Variants in RTL6 observed in about 807,000 individuals in gnomAD.
RTL6 encodes retrotransposon Gag like 6.
RTL6 carries 9 observed loss-of-function variants against 12.4 expected under a neutral mutation model. The ratio of observed to expected loss-of-function variants is 0.73; its 90% CI spans 0.44 to 1.27. The LOEUF (loss-of-function observed/expected upper bound fraction) is 1.27. Among genes scored for constraint, RTL6 ranks in the 50% most tolerant of loss-of-function variants. RTL6 has a pLI of 0.00. For missense variants in RTL6, 291 were observed against 330.7 expected (o/e 0.88, Z 0.93); for synonymous variants, 160 against 142.8 (o/e 1.12, Z -0.86).
At position 44,496,692 on chromosome 22, in the gene RTL6, A is replaced by T; in HGVS notation, c.*145T>A. ...CCAGGGCGCCAGGAAGGACGGAAGGAAGATCTCCTCGGGGAACACGTCTGG... is the reference window on the plus strand; with the variant it reads ...CCAGGGCGCCAGGAAGGACGGAAGGTAGATCTCCTCGGGGAACACGTCTGG... On this transcript the variant is annotated 3_prime_UTR_variant, in exon 2 of 2. Transcript: ENST00000341255. The T allele has an allele frequency of 9.6e-7, 1 of 1,043,424 alleles. No individual in the cohort carries two copies. The highest frequency in any genetic ancestry group is 1.4e-6 in the Non-Finnish European group (1 of 723,230). 64.6% of individuals were successfully genotyped at this position (1,043,424 alleles called of 1,614,324 possible).
Position 44,496,792 on chromosome 22 carries a change from A to AT in RTL6, c.*44dup. 6.6e-7 allele frequency: 1 copy of AT among 1,521,702 alleles called. No homozygotes were observed. The highest frequency in any genetic ancestry group is 8.8e-7 in the Non-Finnish European group (1 of 1,136,992). 94.3% of individuals were successfully genotyped at this position (1,521,702 alleles called of 1,614,324 possible). A position where few individuals can be genotyped will look rare whatever the true frequency, so the allele number is the denominator to read the frequency against. ...ATTTCTTCTACACAGCAAAGAGCGT[A>AT]TGCTACCTGGGTGGCTGCAGACGCT... On this transcript the variant is annotated 3_prime_UTR_variant, in exon 2 of 2. Coordinates refer to ENST00000341255, the MANE Select transcript of RTL6 (RefSeq NM_032287.3).
rs1480517723 is a variant in RTL6, at chr22:44,493,742, G to T, written c.*3095C>A. ...CAGTGGCTGCAGCATGGGCCCTTTTGTCCAATCCCAGGGCTTGTTCCCTAA... is the reference window on the plus strand; with the variant it reads ...CAGTGGCTGCAGCATGGGCCCTTTTTTCCAATCCCAGGGCTTGTTCCCTAA... On this transcript the variant is annotated 3_prime_UTR_variant, in exon 2 of 2. Coordinates refer to ENST00000341255, the MANE Select transcript of RTL6 (RefSeq NM_032287.3). The T allele has an allele frequency of 6.6e-6, 1 of 152,274 alleles. No homozygotes were observed. 9.4% of individuals were successfully genotyped at this position (152,274 alleles called of 1,614,324 possible). A position where few individuals can be genotyped will look rare whatever the true frequency, so the allele number is the denominator to read the frequency against.
chr22:44,496,060 C>T lies in RTL6; in HGVS notation c.*777G>A, dbSNP rs131159. ...CTGCCCAATGGCTGAGAGTCCACCA[C>T]GACCTTATTTAGCAGGCAAGTTCCA... On this transcript the variant is annotated 3_prime_UTR_variant, in exon 2 of 2. Transcript: ENST00000341255. 45,874 of 152,274 alleles carry T rather than the reference C, an allele frequency of 0.3. 7,913 individuals are homozygous for T. The highest frequency in any genetic ancestry group is 0.4 in the South Asian group (1,934 of 4,820). The allele number at this position is 152,274 out of a possible 1,614,324, so 9.4% of individuals were successfully genotyped here. A position where few individuals can be genotyped will look rare whatever the true frequency, so the allele number is the denominator to read the frequency against.
rs1436000482 is a variant in RTL6 at position 44,495,989 on chromosome 22, T to G, written c.*848A>C. The G allele has an allele frequency of 6.6e-6, 1 of 152,274 alleles. No individual in the cohort carries two copies. The highest frequency in any genetic ancestry group is 1.5e-5 in the Non-Finnish European group (1 of 68,082). 9.4% of individuals were successfully genotyped at this position (152,274 alleles called of 1,614,324 possible). ...TCGCTGGTATCCACCCTTAGCCTGC[T>G]ATGACCCTCAGGCGTGGGTGTGTAG... On this transcript the variant is annotated 3_prime_UTR_variant, in exon 2 of 2. Transcript: ENST00000341255.
Position 44,496,888 on chromosome 22 carries a change from G to A in RTL6, c.669C>T (p.Ser223=). ...GGGCTGGCGCTGGACTAGTCCCGTT[G>A]GAAGCTGGATGCACTGGGCAAGGCC... The part of the protein sequence containing the change: ...GTGPCPVHPA[S]NGTSPAPALP... The change falls in exon 2 of 2, where the codon TCC becomes TCT. Residue 223 remains serine (S), a synonymous_variant. Coordinates refer to ENST00000341255, the MANE Select transcript of RTL6 (RefSeq NM_032287.3). 1 of 1,600,878 alleles carries A rather than the reference G, an allele frequency of 6.2e-7. No homozygotes were observed. Among genetic ancestry groups the A allele is most frequent in the Non-Finnish European group, 8.5e-7 (1 of 1,172,048 alleles).
chr22:44,495,663 C>CCT lies in RTL6; in HGVS notation c.*1173_*1174insAG, dbSNP rs1555952616. On this transcript the variant is annotated 3_prime_UTR_variant, in exon 2 of 2. Coordinates refer to ENST00000341255, the MANE Select transcript of RTL6 (RefSeq NM_032287.3). ...TGGCTGGGTTGCCAGAGGCAGACAC[C>CCT]CCCCCCGGCCTTAAGTGCTTAAGGA... 1 of 151,230 alleles carries CCT rather than the reference C, an allele frequency of 6.6e-6. No individual in the cohort carries two copies. Among genetic ancestry groups the CCT allele is most frequent in the African/African-American group, 2.4e-5 (1 of 41,032 alleles). 9.4% of individuals were successfully genotyped at this position (151,230 alleles called of 1,614,324 possible).
rs1924421333 is a variant in RTL6 at position 44,495,577 on chromosome 22, TCA to T, written c.*1258_*1259del. On this transcript the variant is annotated 3_prime_UTR_variant, in exon 2 of 2. Transcript: ENST00000341255. ...GGACATGCATGCCAGTGCTGCATTG[TCA>T]CCACACTAGGACCACGGCAGTCCAC... 1 of 152,518 alleles carries T rather than the reference TCA, an allele frequency of 6.6e-6. No individual in the cohort carries two copies. Among genetic ancestry groups the T allele is most frequent in the Non-Finnish European group, 1.5e-5 (1 of 68,058 alleles). The allele number at this position is 152,518 out of a possible 1,614,324, so 9.4% of individuals were successfully genotyped here. A position where few individuals can be genotyped will look rare whatever the true frequency, so the allele number is the denominator to read the frequency against.
Position 44,497,118 on chromosome 22 carries a change from C to A in RTL6, c.439G>T (p.Glu147Ter). Reference protein sequence around the residue: ...VAFLVSRLTGEAEKWAIPHMQ... With the variant: ...VAFLVSRLTG ...TGGGGGATAGCCCACTTCTCCGCCTCCCCAGTCAGTCGAGACACAAGGAAG... is the reference window on the plus strand; with the variant it reads ...TGGGGGATAGCCCACTTCTCCGCCTACCCAGTCAGTCGAGACACAAGGAAG... The change falls in exon 2 of 2, where the codon GAG becomes TAG. Residue 147 changes from glutamate (E) to a stop codon, truncating the protein, a stop_gained. Coordinates refer to ENST00000341255, the MANE Select transcript of RTL6 (RefSeq NM_032287.3). LOFTEE classifies it high-confidence loss of function. 6.2e-7 allele frequency: 1 copy of A among 1,614,176 alleles called. No homozygotes were observed. Among genetic ancestry groups the A allele is most frequent in the Non-Finnish European group, 8.5e-7 (1 of 1,180,012 alleles).
rs1924497496 is a variant in RTL6 at position 44,497,705 on chromosome 22, C to T, written c.-149G>A. On this transcript the variant is annotated 5_prime_UTR_variant, in exon 2 of 2. Transcript: ENST00000341255. ...CCAAGCCGAGGGCCCGAGAGAGGGG[C>T]ACGCGGTGCCAGGCCCTAGGGACTT... The T allele has an allele frequency of 1.9e-6, 2 of 1,069,444 alleles. No individual in the cohort carries two copies. The highest frequency in any genetic ancestry group is 2.9e-5 in the Admixed American group (1 of 35,042). The allele number at this position is 1,069,444 out of a possible 1,614,324, so 66.2% of individuals were successfully genotyped here.
In RTL6 at chr22:44,497,564, A is replaced by T. The variant is rs1192948641; in HGVS notation, c.-8T>A. ...CGTCTGCGGCTGCACCATGCTGGCC[A>T]GAGGTCAGCCACACGCTGAGATCCG... On this transcript the variant is annotated 5_prime_UTR_variant, in exon 2 of 2. Coordinates refer to ENST00000341255, the MANE Select transcript of RTL6 (RefSeq NM_032287.3). The T allele has an allele frequency of 6.2e-7, 1 of 1,612,594 alleles. No individual in the cohort carries two copies. The highest frequency in any genetic ancestry group is 1.1e-5 in the South Asian group (1 of 90,928).
chr22:44,496,894 T>C lies in RTL6; in HGVS notation c.663A>G (p.Pro221=). 1 of 1,604,054 alleles carries C rather than the reference T, an allele frequency of 6.2e-7. No homozygotes were observed. Among genetic ancestry groups the C allele is most frequent in the Non-Finnish European group, 8.5e-7 (1 of 1,173,830 alleles). ...GCGCTGGACTAGTCCCGTTGGAAGCTGGATGCACTGGGCAAGGCCCCGTGC... is the reference window on the plus strand; with the variant it reads ...GCGCTGGACTAGTCCCGTTGGAAGCCGGATGCACTGGGCAAGGCCCCGTGC... ...SAGTGPCPVH[P]ASNGTSPAPA... is the part of the protein sequence containing the mutation. The change falls in exon 2 of 2, where the codon CCA becomes CCG. Residue 221 remains proline (P), a synonymous_variant. Coordinates refer to ENST00000341255, the MANE Select transcript of RTL6 (RefSeq NM_032287.3).
rs935303415 is a variant in RTL6, at chr22:44,496,141, C to G, written c.*696G>C. 6.6e-6 allele frequency: 1 copy of G among 152,444 alleles called. No individual in the cohort carries two copies. The highest frequency in any genetic ancestry group is 1.5e-5 in the Non-Finnish European group (1 of 68,208). 9.4% of individuals were successfully genotyped at this position (152,444 alleles called of 1,614,324 possible). On this transcript the variant is annotated 3_prime_UTR_variant, in exon 2 of 2. Coordinates refer to ENST00000341255, the MANE Select transcript of RTL6 (RefSeq NM_032287.3). Reference sequence around the variant, plus strand: ...ACCAGCAGCTGAAGTCAGGCATTAACAGAGGTGCAACATTGGTCCTTCCCA... The same window carrying G: ...ACCAGCAGCTGAAGTCAGGCATTAAGAGAGGTGCAACATTGGTCCTTCCCA...
Position 44,493,523 on chromosome 22 carries a change from G to A in RTL6, c.*3314C>T, listed in dbSNP as rs1263146269. On this transcript the variant is annotated 3_prime_UTR_variant, in exon 2 of 2. Transcript: ENST00000341255. ...CACCCCAACCTTCTCCCCTACTCTG[G>A]GGAGCTTCTCCTGTTGGCCCAACAG... 1.3e-5 allele frequency: 2 copies of A among 152,166 alleles called. No individual in the cohort carries two copies. Among genetic ancestry groups the A allele is most frequent in the Non-Finnish European group, 2.9e-5 (2 of 68,098 alleles). The allele number at this position is 152,166 out of a possible 1,614,324, so 9.4% of individuals were successfully genotyped here.
Position 44,492,815 on chromosome 22 carries a change from A to G in RTL6, c.*4022T>C, listed in dbSNP as rs1201326680. On this transcript the variant is annotated 3_prime_UTR_variant, in exon 2 of 2. Coordinates refer to ENST00000341255, the MANE Select transcript of RTL6 (RefSeq NM_032287.3). ...CCAGATGATAATTCCCAATACGGGC[A>G]AGATGGACATGTTTATCCTTGCTGG... is the stretch of plus-strand genomic sequence containing the variant. 6.6e-6 allele frequency: 1 copy of G among 152,256 alleles called. No individual in the cohort carries two copies. Among genetic ancestry groups the G allele is most frequent in the Non-Finnish European group, 1.5e-5 (1 of 68,048 alleles). 9.4% of individuals were successfully genotyped at this position (152,256 alleles called of 1,614,324 possible).
rs1568999954 is a variant in RTL6 at position 44,496,840 on chromosome 22, A to C, written c.717T>G (p.Leu239=). The change falls in exon 2 of 2, where the codon CTT becomes CTG. Residue 239 remains leucine, a synonymous_variant. Transcript: ENST00000341255. ...APALPARARN[L] ...GCTACCAAGTGCTGGCGGATTCTTA[A>C]AGATTCCGTGCTCGGGCAGGCAGGG... 7 of 1,549,742 alleles carry C rather than the reference A, an allele frequency of 4.5e-6. No homozygotes were observed. The highest frequency in any genetic ancestry group is 1.8e-4 in the Middle Eastern group (1 of 5,582).
Position 44,497,267 on chromosome 22 carries a change from G to A in RTL6, c.290C>T (p.Pro97Leu), listed in dbSNP as rs1481150989. 1 of 1,614,122 alleles carries A rather than the reference G, an allele frequency of 6.2e-7. No individual in the cohort carries two copies. Among genetic ancestry groups the A allele is most frequent in the African/African-American group, 1.3e-5 (1 of 74,948 alleles). Reference sequence around the variant, plus strand: ...AAAGGGCTCGGGCAGAGAGGTTGGAGGTGTGGTCATGGGTCGAGTCCCGTT... The same window carrying A: ...AAAGGGCTCGGGCAGAGAGGTTGGAAGTGTGGTCATGGGTCGAGTCCCGTT... ...TSNGTRPMTT[P>L]PTSLPEPFSG... The change falls in exon 2 of 2, where the codon CCT (proline) becomes CTT (leucine). Residue 97 changes from proline to leucine, a missense_variant. Physicochemically the swap from Pro to Leu is moderately conservative, Grantham distance 98. This residue lies in a region of RTL6 where 155 missense variants were observed against 149.2 expected (regional missense o/e 1.04). Coordinates refer to ENST00000341255, the MANE Select transcript of RTL6 (RefSeq NM_032287.3).
chr22:44,496,534 CG>C lies in RTL6; in HGVS notation c.*302del. On this transcript the variant is annotated 3_prime_UTR_variant, in exon 2 of 2. Coordinates refer to ENST00000341255, the MANE Select transcript of RTL6 (RefSeq NM_032287.3). ...GCCCTCGTGGTCCGTCAGCGTGCGG[CG>C]GAGTCCCTGTGCCTAAGTAGCAGAG... is the stretch of plus-strand genomic sequence containing the variant. 2.6e-6 allele frequency: 1 copy of C among 378,458 alleles called. No homozygotes were observed. 23.4% of individuals were successfully genotyped at this position (378,458 alleles called of 1,614,324 possible).
rs1040443554 is a variant in RTL6 at position 44,496,638 on chromosome 22, C to T, written c.*199G>A. Reference sequence around the variant, plus strand: ...GTGAGCGATAGGTACAAAGCTAGCACGTAAGAGGAAGCACGGCAAGGTGGG... The same window carrying T: ...GTGAGCGATAGGTACAAAGCTAGCATGTAAGAGGAAGCACGGCAAGGTGGG... On this transcript the variant is annotated 3_prime_UTR_variant, in exon 2 of 2. Transcript: ENST00000341255. The T allele has an allele frequency of 5.9e-6, 4 of 676,766 alleles. No individual in the cohort carries two copies. The highest frequency in any genetic ancestry group is 1.0e-5 in the Non-Finnish European group (4 of 390,794). The allele number at this position is 676,766 out of a possible 1,614,324, so 41.9% of individuals were successfully genotyped here.
At position 44,497,565 on chromosome 22, in the gene RTL6, G is replaced by A; in HGVS notation, c.-9C>T. 1 of 1,612,478 alleles carries A rather than the reference G, an allele frequency of 6.2e-7. No homozygotes were observed. Among genetic ancestry groups the A allele is most frequent in the South Asian group, 1.1e-5 (1 of 90,914 alleles). On this transcript the variant is annotated 5_prime_UTR_variant, in exon 2 of 2. Coordinates refer to ENST00000341255, the MANE Select transcript of RTL6 (RefSeq NM_032287.3). ...GTCTGCGGCTGCACCATGCTGGCCA[G>A]AGGTCAGCCACACGCTGAGATCCGC...
Sources: allele counts gnomAD v4.1 joint callset, GRCh38; gene constraint gnomAD v4.1.1; regional missense constraint gnomAD v4.1.1; transcripts MANE v1.5; gene names NCBI Gene and HGNC (gene_info 2026-07-23, HGNC 2026-07-21).